The following TANC1 variants were observed in gnomAD, a reference collection of about 807,000 sequenced individuals.
The protein encoded by TANC1 is tetratricopeptide repeat, ankyrin repeat and coiled-coil containing 1, also known as protein TANC1.
TANC1 carries 77 observed loss-of-function variants against 149.7 expected under a neutral mutation model. The ratio of observed to expected loss-of-function variants is 0.51; its 90% CI spans 0.43 to 0.62. The LOEUF is 0.62. Ranked by LOEUF, TANC1 falls within the 20% of genes least tolerant of loss-of-function variation. TANC1 has a pLI of 0.00. For missense variants in TANC1, 1,985 were observed against 2,321.8 expected, an observed-to-expected ratio of 0.85 and a Z score of 2.98; for synonymous variants, 854 against 925.0, an observed-to-expected ratio of 0.92 and a Z score of 1.39.
At position 159,185,829 on chromosome 2, in the gene TANC1, A is replaced by G. The variant is rs1302769225; in HGVS notation, c.2549A>G (p.Gln850Arg). 6.8e-6 allele frequency: 11 copies of G among 1,614,040 alleles called. No individual in the cohort carries two copies. Among genetic ancestry groups the G allele is most frequent in the Admixed American group, 5.0e-5 (3 of 60,004 alleles). The change falls in exon 15 of 27, where the codon CAG (glutamine) becomes CGG (arginine). Residue 850 changes from glutamine to arginine, a missense_variant. Physicochemically the swap from Gln to Arg is conservative, Grantham distance 43. This residue lies in a region of TANC1 where 508 missense variants were observed against 714.2 expected (regional missense o/e 0.71). Transcript: ENST00000263635. The stretch of plus-strand genomic sequence containing the variant: ...CTCTTGGCATTCATGTTCTCGCGTC[A>G]GGAGGGCAAGTTGAACCGCCAGCAG... ...HALLAFMFSR[Q>R]EGKLNRQQTM...
chr2:159,125,179 T>A (rs1439717918), intron 4 of TANC1, among the ~76,000 whole-genome samples: 2 of 131,264 alleles, frequency 1.5e-5, no homozygotes, highest in African/African-American at 2.7e-5. Context: ...CCATACAGAT[T>A]TATTAGTAGG....
At chr2:159,146,133 G>T (rs1396973558) in intron 5 of TANC1, among the ~76,000 whole-genome samples, 2 of 152,198 alleles carry the variant, frequency 1.3e-5, no homozygotes, top group Non-Finnish European at 2.9e-5. Context: ...GCGTGTCCAT[G>T]TGAGTTCCTA....
rs1413662410 is a variant in TANC1, at chr2:159,225,786, G to T, written c.3903+7G>T. 1 of 1,607,470 alleles carries T rather than the reference G, an allele frequency of 6.2e-7. No individual in the cohort carries two copies. Among genetic ancestry groups the T allele is most frequent in the South Asian group, 1.1e-5 (1 of 90,754 alleles). On this transcript the variant is annotated splice_region_variant and intron_variant, in intron 24 of 26. Transcript: ENST00000263635. The stretch of plus-strand genomic sequence containing the variant: ...AGGAAATGTGATGTACAAAGTAAGT[G>T]GTTCCGCCCTTTTCTTTGCCATTGA...
chr2:159,152,644 C>T (rs2052971468), intron 7 of TANC1, among the ~76,000 whole-genome samples: 1 of 151,942 alleles, frequency 6.6e-6, no homozygotes, highest in Admixed American at 6.6e-5. Flanking sequence ...CATGTGCCAC[C>T]ACACTTAGCT....
chr2:158,984,844 G>A (rs917848198), intron 1 of TANC1, among the ~76,000 whole-genome samples: 1 of 152,182 alleles, frequency 6.6e-6, no homozygotes. Flanking sequence ...TGTGTTTGGG[G>A]TGTTGTTACT....
chr2:159,034,363 A>G (rs2149492103), intron 2 of TANC1, among the ~76,000 whole-genome samples: 1 of 152,142 alleles, frequency 6.6e-6, no homozygotes, highest in Admixed American at 6.5e-5. Flanking sequence ...TTCCCACCTG[A>G]CCCCATCAGG....
rs2051767773 is a variant in TANC1, at chr2:159,144,049, CA to C, written c.365-5088del. On this transcript the variant is annotated intron_variant, in intron 5 of 26. Coordinates refer to ENST00000263635, the MANE Select transcript of TANC1 (RefSeq NM_033394.3). ...AGTTTTTAAGAGTGAATTCTGAGACCAAAAAGCTTAAGAACCTACTGGCTCT... is the reference window on the plus strand; with the variant it reads ...AGTTTTTAAGAGTGAATTCTGAGACCAAAAGCTTAAGAACCTACTGGCTCT... Among the ~76,000 whole-genome samples the C allele has an allele frequency of 5.3e-5, 8 of 150,246 alleles. No individual in the cohort carries two copies. In the South Asian group the frequency reaches 1.5e-3, roughly 28 times the overall value.
chr2:158,971,528 T>C (rs2032878804), intron 1 of TANC1, among the ~76,000 whole-genome samples: 1 of 152,240 alleles, frequency 6.6e-6, no homozygotes, highest in South Asian at 2.1e-4. Context: ...GGTTTTCAAC[T>C]GTCTCTTAAA....
intron 4 of TANC1, among the ~76,000 whole-genome samples, chr2:159,117,993 GT>G (rs2150071595): frequency 6.6e-6 from 1 of 151,314 alleles, no homozygotes; most frequent in African/African-American, 2.4e-5. Flanking sequence ...CTGTACTGGA[GT>G]TTTTCTCTAC....
intron 2 of TANC1, among the ~76,000 whole-genome samples, chr2:159,018,222 C>T (rs1194528427): frequency 6.6e-6 from 1 of 152,194 alleles, no homozygotes; most frequent in Non-Finnish European, 1.5e-5. Flanking sequence ...GCCTATCCCT[C>T]TGGCCTCATA....
chr2:159,060,351 G>A (rs77637594), intron 2 of TANC1, among the ~76,000 whole-genome samples: 14,608 of 152,212 alleles, frequency 0.096, 739 homozygotes, highest in Non-Finnish European at 0.11. Flanking sequence ...TCATTAGAGC[G>A]TGCACAGAGT....
intron 4 of TANC1, among the ~76,000 whole-genome samples, chr2:159,115,143 C>T (rs1166383436): frequency 2.0e-5 from 3 of 151,464 alleles, no homozygotes; most frequent in African/African-American, 7.3e-5. Context: ...CGGAGAAGAG[C>T]GAGACTCTCC....
intron 22 of TANC1, 150 bp from the exon 23 acceptor site, chr2:159,224,082 G>C: frequency 1.1e-6 from 1 of 929,538 alleles, no homozygotes; most frequent in African/African-American, 1.6e-5. Flanking sequence ...CCTCTTCTCT[G>C]TTTCGTGTCC....
At chr2:159,202,592 C>T (rs990943757) in intron 19 of TANC1, among the ~76,000 whole-genome samples, 4 of 152,132 alleles carry the variant, frequency 2.6e-5, no homozygotes, top group African/African-American at 2.4e-5. Flanking sequence ...GCATCCTCCC[C>T]ACCCTCAAAC....
chr2:159,088,924 A>G (rs895122468), intron 3 of TANC1, among the ~76,000 whole-genome samples: 2 of 152,140 alleles, frequency 1.3e-5, no homozygotes, highest in Admixed American at 1.3e-4. Context: ...GTTCAAGCAG[A>G]TGTTCTCTTT....
chr2:159,158,834 T>A (rs2053702160), intron 7 of TANC1, among the ~76,000 whole-genome samples: 1 of 152,164 alleles, frequency 6.6e-6, no homozygotes. Context: ...TGGTACCGGG[T>A]CTGGAGACGC....
chr2:159,202,737 A>G (rs1193427038), intron 19 of TANC1, among the ~76,000 whole-genome samples: 1 of 152,132 alleles, frequency 6.6e-6, no homozygotes, highest in Non-Finnish European at 1.5e-5. Flanking sequence ...TCACAGACTC[A>G]GTCAGTGTCT....
At chr2:159,000,111 G>A (rs2036491471) in intron 1 of TANC1, among the ~76,000 whole-genome samples, 1 of 152,184 alleles carries the variant, frequency 6.6e-6, no homozygotes, top group Non-Finnish European at 1.5e-5. Context: ...GGAGTAGCCA[G>A]GTGAGGTGGG....
At chr2:159,009,540 A>T (rs757371542) in intron 2 of TANC1, among the ~76,000 whole-genome samples, 2 of 152,198 alleles carry the variant, frequency 1.3e-5, no homozygotes, top group Non-Finnish European at 2.9e-5. Context: ...GAAAACTAAA[A>T]ATGTTGATCT....
Sources: allele counts gnomAD v4.1 joint callset (sites outside exome capture counted in the v4.1 genomes callset), GRCh38; gene constraint gnomAD v4.1.1; regional missense constraint gnomAD v4.1.1; transcripts MANE v1.5; gene names NCBI Gene and HGNC (gene_info 2026-07-23, HGNC 2026-07-21).